Variants in SOS1 observed in about 807,000 individuals in gnomAD.
SOS1 encodes the protein SOS Ras/Rac guanine nucleotide exchange factor 1.
Under a neutral mutation model 157.6 loss-of-function variants are expected in SOS1, and 25 were observed. The ratio of observed to expected loss-of-function variants is 0.16; its 90% CI spans 0.12 to 0.22. The LOEUF (loss-of-function observed/expected upper bound fraction) is 0.22, where lower values mean the gene tolerates loss of function less well. SOS1 is among the 10% of genes least tolerant of loss of function. The pLI is 1.00. For missense variants in SOS1, 1,237 were observed against 1,599.1 expected (o/e 0.77, Z 3.86); for synonymous variants, 528 against 534.0 (o/e 0.99, Z 0.16).
At chr2:39,067,543 A>C in intron 2 of SOS1, 85 bp downstream of exon 2, 1 of 1,212,826 alleles carries the variant, frequency 8.2e-7, no homozygotes, top group Non-Finnish European at 1.2e-6. Flanking sequence ...ATATATAGAG[A>C]GAGCAAATTC....
At chr2:39,035,570 C>T in intron 6 of SOS1, 70 bp from the exon 7 acceptor site, 1 of 1,091,602 alleles carries the variant, frequency 9.2e-7, no homozygotes, top group Non-Finnish European at 1.4e-6. Flanking sequence ...AATTATGGGG[C>T]ACGACTATGC....
chr2:38,995,093 C>A, intron 20 of SOS1, 30 bp downstream of exon 20: 2 of 1,600,746 alleles, frequency 1.2e-6, no homozygotes, highest in Non-Finnish European at 1.7e-6. Flanking sequence ...CTAACAAATA[C>A]CTTAATGCAC....
intron 20 of SOS1, among the ~76,000 whole-genome samples, chr2:38,990,895 ATTC>A (rs2124466013): frequency 1.3e-5 from 2 of 152,314 alleles, no homozygotes; most frequent in South Asian, 2.1e-4. Context: ...TATGCTAGAA[ATTC>A]TTGTCAGTTA....
At chr2:39,092,745 T>C (rs943433597) in intron 1 of SOS1, among the ~76,000 whole-genome samples, 93 of 152,180 alleles carry the variant, frequency 6.1e-4, no homozygotes, top group Non-Finnish European at 1.2e-3. Context: ...CAACTTGAAA[T>C]TTTACAAAAC....
chr2:39,113,959 C>T (rs1376923409), intron 1 of SOS1, among the ~76,000 whole-genome samples: 2 of 152,226 alleles, frequency 1.3e-5, no homozygotes, highest in Non-Finnish European at 2.9e-5. Context: ...CCATGTTCTT[C>T]CATCTTCTAC....
At chr2:39,073,761 C>A (rs1480293521) in intron 1 of SOS1, among the ~76,000 whole-genome samples, 1 of 152,198 alleles carries the variant, frequency 6.6e-6, no homozygotes, top group African/African-American at 2.4e-5. Context: ...CTTGGGTAAA[C>A]TGCCAGAAAA....
chr2:39,100,491 T>C (rs1439303402), intron 1 of SOS1, among the ~76,000 whole-genome samples: 2 of 152,184 alleles, frequency 1.3e-5, no homozygotes, highest in African/African-American at 4.8e-5. Context: ...AAAAATGAGA[T>C]ACTGCCATTT....
intron 15 of SOS1, among the ~76,000 whole-genome samples, chr2:39,010,161 C>A (rs1486989143): frequency 2.6e-5 from 4 of 151,790 alleles, no homozygotes. Context: ...ACTAAAAATA[C>A]TAAAATTAGC....
At chr2:38,990,367 T>C (rs1168234345) in intron 20 of SOS1, among the ~76,000 whole-genome samples, 1 of 152,144 alleles carries the variant, frequency 6.6e-6, no homozygotes, top group Non-Finnish European at 1.5e-5. Context: ...AGTGTAGCAA[T>C]CCAGCTAATT....
At chr2:39,087,394 C>T (rs573201053) in intron 1 of SOS1, among the ~76,000 whole-genome samples, 1 of 152,260 alleles carries the variant, frequency 6.6e-6, no homozygotes, top group East Asian at 1.9e-4. Flanking sequence ...ATAAAGTGGT[C>T]TTAAGTCTAT....
At chr2:39,032,700 C>G (rs924814681) in intron 8 of SOS1, among the ~76,000 whole-genome samples, 2 of 152,168 alleles carry the variant, frequency 1.3e-5, no homozygotes, top group Non-Finnish European at 2.9e-5. Context: ...ATGACTCACA[C>G]CTGAAATCCT....
At chr2:39,067,296 G>C (rs899710928) in intron 2 of SOS1, among the ~76,000 whole-genome samples, 4 of 152,094 alleles carry the variant, frequency 2.6e-5, no homozygotes, top group Non-Finnish European at 5.9e-5. Flanking sequence ...TTACAGGCTT[G>C]AGCCACCACA....
chr2:39,022,660 C>T lies in SOS1; in HGVS notation c.1768G>A (p.Glu590Lys), dbSNP rs730881047. 6 of 1,613,198 alleles carry T rather than the reference C, an allele frequency of 3.7e-6. No homozygotes were observed. The highest frequency in any genetic ancestry group is 5.1e-6 in the Non-Finnish European group (6 of 1,179,372). Residue 590 changes from glutamate to lysine, a missense_variant, in exon 10 of 23, where the codon GAG (glutamate) becomes AAG (lysine). Glu to Lys is a moderately conservative substitution (Grantham distance 56, BLOSUM62 1). This residue lies in a region of SOS1 where 210 missense variants were observed against 220.2 expected (regional missense o/e 0.95). Coordinates refer to ENST00000402219, the MANE Select transcript of SOS1 (RefSeq NM_005633.4). Reference protein sequence around the residue: ...PDSEENIIFEENMQPKAGIPI... With the variant: ...PDSEENIIFEKNMQPKAGIPI... The stretch of plus-strand genomic sequence containing the variant: ...ATTCCAGCCTTGGGCTGCATGTTCT[C>T]TTCAAATATAATATTCTCTTCAGAG...
At chr2:39,057,480 C>A (rs575960316) in intron 3 of SOS1, among the ~76,000 whole-genome samples, 1 of 151,844 alleles carries the variant, frequency 6.6e-6, no homozygotes, top group Non-Finnish European at 1.5e-5. Flanking sequence ...TCTGTTCATA[C>A]AGAATAACAA....
intron 10 of SOS1, among the ~76,000 whole-genome samples, chr2:39,018,493 C>T (rs926202410): frequency 6.6e-6 from 1 of 151,720 alleles, no homozygotes; most frequent in Admixed American, 6.6e-5. Context: ...TTTTTTTCTG[C>T]TGACCTTCTG....
At chr2:39,056,661 A>G (rs1572859185) in intron 4 of SOS1, 41 bp downstream of exon 4, 1 of 1,351,414 alleles carries the variant, frequency 7.4e-7, no homozygotes. Flanking sequence ...TAAGTCATAA[A>G]AAGAAACTTA....
At chr2:39,083,087 T>A (rs1424525421) in intron 1 of SOS1, among the ~76,000 whole-genome samples, 3 of 152,192 alleles carry the variant, frequency 2.0e-5, no homozygotes, top group Non-Finnish European at 4.4e-5. Context: ...TTCTAGCTGC[T>A]GGACTTGCAG....
At chr2:39,112,543 T>C (rs879557615) in intron 1 of SOS1, among the ~76,000 whole-genome samples, 1 of 152,126 alleles carries the variant, frequency 6.6e-6, no homozygotes, top group African/African-American at 2.4e-5. Flanking sequence ...TTTCAAGTGA[T>C]CCTCTCACCT....
intron 20 of SOS1, chr2:38,993,372 G>C (rs951454375): frequency 2.6e-5 from 4 of 152,110 alleles, no homozygotes; most frequent in Non-Finnish European, 4.4e-5. Flanking sequence ...TGTTGCCCAG[G>C]CTGGTCTCAA....
Sources: allele counts gnomAD v4.1 joint callset (sites outside exome capture counted in the v4.1 genomes callset), GRCh38; gene constraint gnomAD v4.1.1; regional missense constraint gnomAD v4.1.1; transcripts MANE v1.5; gene names NCBI Gene and HGNC (gene_info 2026-07-23, HGNC 2026-07-21).